The following MATCAP1 variants were observed in gnomAD, a reference collection of about 807,000 sequenced individuals.
MATCAP1 encodes the protein microtubule-associated tyrosine carboxypeptidase 1.
chr16:67,176,883 C>T, the MATCAP1 span: 12 of 1,610,566 alleles, frequency 7.5e-6, no homozygotes, highest in Non-Finnish European at 9.3e-6. The surrounding 1 kb of genome is among the most constrained non-coding windows in gnomAD (Gnocchi z 4.3). Flanking sequence ...CCAGCTGCTG[C>T]CGGTAGCGTG....
At chr16:67,179,053 G>C in the MATCAP1 span, 2 of 1,124,612 alleles carry the variant, frequency 1.8e-6, no homozygotes, top group South Asian at 3.7e-5. This position sits in a 1 kb window ranked among gnomAD's most constrained non-coding sequence, Gnocchi z 5.2. Context: ...CCATTCCCAG[G>C]ACCTGGCCTT....
At chr16:67,178,600 G>C in the MATCAP1 span, 29 of 1,086,450 alleles carry the variant, frequency 2.7e-5, no homozygotes, top group East Asian at 7.5e-4. Flanking sequence ...CCGGGGCTCT[G>C]GCCGCGACAC....
chr16:67,179,103 G>A, the MATCAP1 span: 1 of 1,187,618 alleles, frequency 8.4e-7, no homozygotes, highest in Non-Finnish European at 1.0e-6. This position sits in a 1 kb window ranked among gnomAD's most constrained non-coding sequence, Gnocchi z 5.2. Flanking sequence ...CTGGCCTGGT[G>A]GGACCCTGAG....
chr16:67,178,779 G>A, the MATCAP1 span: 8 of 640,782 alleles, frequency 1.2e-5, no homozygotes, highest in African/African-American at 1.1e-4. Flanking sequence ...ACCCACACAC[G>A]TGCACGAACT....
the MATCAP1 span, chr16:67,179,083 A>G: frequency 8.5e-7 from 1 of 1,174,982 alleles, no homozygotes; most frequent in East Asian, 6.1e-5. This position sits in a 1 kb window ranked among gnomAD's most constrained non-coding sequence, Gnocchi z 5.2. Flanking sequence ...CTGGAGGGCC[A>G]GCGTGGTGGC....
At chr16:67,175,783 A>G in the MATCAP1 span, 1 of 152,280 alleles carries the variant, frequency 6.6e-6, no homozygotes, top group African/African-American at 2.4e-5. Flanking sequence ...GCCAAAGGAT[A>G]GGAGTGGGGT....
the MATCAP1 span, among the ~76,000 whole-genome samples, chr16:67,182,211 G>T: frequency 2.7e-5 from 4 of 150,316 alleles, no homozygotes; most frequent in South Asian, 6.3e-4. Flanking sequence ...ATTGTGCCAT[G>T]GCACTCCAGC....
At chr16:67,178,239 G>T in the MATCAP1 span, 4 of 1,549,968 alleles carry the variant, frequency 2.6e-6, no homozygotes, top group East Asian at 9.7e-5. Context: ...TGGCGCGCAC[G>T]CAGTACTCCC....
chr16:67,178,676 C>G, the MATCAP1 span: 1 of 724,736 alleles, frequency 1.4e-6, no homozygotes, highest in African/African-American at 1.7e-5. Flanking sequence ...CAGCGTGAAG[C>G]TCCTCCTCCT....
At chr16:67,182,606 AC>A in the MATCAP1 span, among the ~76,000 whole-genome samples, 1 of 152,226 alleles carries the variant, frequency 6.6e-6, no homozygotes, top group Non-Finnish European at 1.5e-5. Context: ...ACTAGCTGGA[AC>A]CACAGGCACA....
the MATCAP1 span, among the ~76,000 whole-genome samples, chr16:67,182,249 CAAAA>C: frequency 1.1e-4 from 5 of 46,354 alleles, no homozygotes; most frequent in East Asian, 6.5e-4. Flanking sequence ...AACTCCATCT[CAAAA>C]AAAAAAAAAA....
the MATCAP1 span, chr16:67,178,087 C>A: frequency 6.2e-7 from 1 of 1,613,978 alleles, no homozygotes; most frequent in Non-Finnish European, 8.5e-7. Flanking sequence ...TCCAGGTACA[C>A]CTGGTCCTTG....
the MATCAP1 span, chr16:67,180,143 G>A: frequency 1.2e-5 from 20 of 1,614,106 alleles, 1 homozygote; most frequent in South Asian, 2.2e-4. Context: ...AATGGGACTG[G>A]AAGAACTTGT....
At chr16:67,176,991 G>T in the MATCAP1 span, 1 of 1,533,198 alleles carries the variant, frequency 6.5e-7, no homozygotes. The surrounding 1 kb of genome is among the most constrained non-coding windows in gnomAD (Gnocchi z 4.3). Flanking sequence ...GGAGGAAGCC[G>T]GGCATCAGGC....
At chr16:67,178,613 C>G in the MATCAP1 span, 2 of 953,068 alleles carry the variant, frequency 2.1e-6, no homozygotes, top group Non-Finnish European at 1.6e-6. Flanking sequence ...CGCGACACTT[C>G]CATCCTCATG....
chr16:67,181,226 C>A, the MATCAP1 span, among the ~76,000 whole-genome samples: 6 of 152,220 alleles, frequency 3.9e-5, no homozygotes, highest in African/African-American at 1.4e-4. Flanking sequence ...CTGCCTTCAG[C>A]CTATGGCATC....
chr16:67,178,223 C>G, the MATCAP1 span: 7 of 1,542,662 alleles, frequency 4.5e-6, no homozygotes, highest in East Asian at 2.4e-5. Context: ...TCGGTCTGGC[C>G]GCGCTTGGCG....
chr16:67,176,760 G>T, the MATCAP1 span: 7 of 1,475,290 alleles, frequency 4.7e-6, no homozygotes, highest in Middle Eastern at 2.2e-4. This position sits in a 1 kb window ranked among gnomAD's most constrained non-coding sequence, Gnocchi z 4.3. Flanking sequence ...TGTTCTAGGG[G>T]CCTATCTGGA....
chr16:67,178,552 C>G, the MATCAP1 span: 3 of 1,471,152 alleles, frequency 2.0e-6, no homozygotes, highest in Non-Finnish European at 2.7e-6. Flanking sequence ...CGTTCGGGGA[C>G]CCGCCTGCGA....
Sources: gnomAD v4.1 joint callset for allele counts (sites outside exome capture counted in the v4.1 genomes callset) on GRCh38, gnomAD v4.1.1 for gene constraint, Gnocchi (gnomAD v3.1) non-coding constraint, MANE v1.5 for transcripts, NCBI Gene and HGNC (gene_info 2026-07-23, HGNC 2026-07-21) for gene names.